SYN2: variants seen among roughly 807,000 people sequenced by gnomAD.
SYN2 encodes synapsin II.
A neutral mutation model predicts 50.9 loss-of-function variants in SYN2; 19 were observed. The ratio of observed to expected loss-of-function variants is 0.37; its 90% CI spans 0.26 to 0.55. The LOEUF is 0.55. Ranked by LOEUF, SYN2 falls within the 20% of genes least tolerant of loss-of-function variation. The pLI is 0.81. For synonymous variants in SYN2, 255 were observed against 224.9 expected, an observed-to-expected ratio of 1.13 and a Z score of -1.20; for missense variants, 587 against 576.4, an observed-to-expected ratio of 1.02 and a Z score of -0.19.
intron 1 of SYN2, among the ~76,000 whole-genome samples, chr3:12,096,889 A>G (rs1323596062): frequency 6.6e-6 from 1 of 152,220 alleles, no homozygotes; most frequent in Non-Finnish European, 1.5e-5. Flanking sequence ...CAGAGCCTCA[A>G]GGACCTGTAG....
intron 1 of SYN2, among the ~76,000 whole-genome samples, chr3:12,121,558 CA>C (rs1225515436): frequency 6.7e-6 from 1 of 149,680 alleles, no homozygotes; most frequent in Non-Finnish European, 1.5e-5. Context: ...ATATATCAGT[CA>C]ATGTTCTCCA....
At chr3:12,097,879 A>G (rs1352907293) in intron 1 of SYN2, among the ~76,000 whole-genome samples, 1 of 152,164 alleles carries the variant, frequency 6.6e-6, no homozygotes, top group African/African-American at 2.4e-5. Context: ...GGGGAGGGAT[A>G]GCATTAGGAG....
chr3:12,154,339 G>C (rs1422965896), intron 5 of SYN2: 1 of 1,614,240 alleles, frequency 6.2e-7, no homozygotes, highest in Non-Finnish European at 8.5e-7. Flanking sequence ...GGCAGCCACA[G>C]TTCAGATGGT....
chr3:12,164,974 TTTTTC>T (rs1697745117), intron 7 of SYN2, among the ~76,000 whole-genome samples: 12 of 145,496 alleles, frequency 8.2e-5, no homozygotes, highest in African/African-American at 3.1e-4. Context: ...TTTCTTCCTT[TTTTTC>T]TTTTCTTTTT....
Position 12,190,589 on chromosome 3 carries a change from C to T in SYN2, c.1713C>T (p.Ser571=). 1 of 1,613,188 alleles carries T rather than the reference C, an allele frequency of 6.2e-7. No homozygotes were observed. Among genetic ancestry groups the T allele is most frequent in the Non-Finnish European group, 8.5e-7 (1 of 1,179,490 alleles). ...AAGCCAAAGCAGAGACCATCCGGAG[C>T]TTGAGGAAGTCCTTTGCCAGCCTCT... The part of the protein sequence containing the change: ...EDEAKAETIR[S]LRKSFASLFS... Residue 571 remains serine, a synonymous_variant, in exon 13 of 13, where the codon AGC becomes AGT. Transcript: ENST00000621198.
At chr3:12,079,721 A>AT (rs917189774) in intron 1 of SYN2, among the ~76,000 whole-genome samples, 1 of 152,060 alleles carries the variant, frequency 6.6e-6, no homozygotes, top group Admixed American at 6.6e-5. Flanking sequence ...TTTATTGAGA[A>AT]TTTTTGCATC....
At chr3:12,166,090 A>G (rs1182340317) in intron 7 of SYN2, among the ~76,000 whole-genome samples, 9 of 152,206 alleles carry the variant, frequency 5.9e-5, no homozygotes, top group Non-Finnish European at 1.3e-4. Context: ...CTGTCCAAGC[A>G]TAAGGACTGT....
chr3:12,167,151 A>T, intron 7 of SYN2, 83 bp from the exon 8 acceptor site: 1 of 1,384,758 alleles, frequency 7.2e-7, no homozygotes, highest in Non-Finnish European at 1.0e-6. Flanking sequence ...AGCAACAGTG[A>T]ACTAAAATTC....
intron 1 of SYN2, among the ~76,000 whole-genome samples, chr3:12,122,285 T>C (rs1696577993): frequency 6.6e-6 from 1 of 152,144 alleles, no homozygotes. Flanking sequence ...TGAACTCAAA[T>C]CTTAAAATCC....
At chr3:12,061,890 CAG>C (rs1156554167) in intron 1 of SYN2, among the ~76,000 whole-genome samples, 2 of 151,990 alleles carry the variant, frequency 1.3e-5, no homozygotes, top group African/African-American at 4.8e-5. Context: ...TCTAAATAAA[CAG>C]ATTCTATATT....
intron 1 of SYN2, among the ~76,000 whole-genome samples, chr3:12,115,641 A>T (rs1378594208): frequency 1.3e-5 from 2 of 152,186 alleles, no homozygotes; most frequent in African/African-American, 4.8e-5. Flanking sequence ...GGGACCCAGA[A>T]TTCCAATTTA....
Position 12,165,610 on chromosome 3 carries a change from A to G in SYN2, c.981-1624A>G, listed in dbSNP as rs563833405. 8 of 152,352 alleles carry G rather than the reference A, an allele frequency of 5.3e-5. No individual in the cohort carries two copies. The East Asian group carries it at 9.7e-4, about 18-fold the overall frequency. 9.4% of individuals were successfully genotyped at this position (152,352 alleles called of 1,614,324 possible). A position where few individuals can be genotyped will look rare whatever the true frequency, so the allele number is the denominator to read the frequency against. The stretch of plus-strand genomic sequence containing the variant: ...TGGCTCAGGTTGAGTTGGGTATGCA[A>G]CCTGAAAATAGTGGGAGTCAGTGTA... On this transcript the variant is annotated intron_variant, in intron 7 of 12. Coordinates refer to ENST00000621198, the MANE Select transcript of SYN2 (RefSeq NM_133625.6).
chr3:12,110,056 A>C (rs1203762130), intron 1 of SYN2, among the ~76,000 whole-genome samples: 1 of 152,010 alleles, frequency 6.6e-6, no homozygotes, highest in Non-Finnish European at 1.5e-5. Context: ...GGGTGTAGTG[A>C]TGTGTACCTG....
intron 1 of SYN2, among the ~76,000 whole-genome samples, chr3:12,064,488 A>G (rs1428475467): frequency 6.6e-6 from 1 of 152,166 alleles, no homozygotes; most frequent in Non-Finnish European, 1.5e-5. Flanking sequence ...AATGTAGCTA[A>G]GAGAGTTCTA....
At chr3:12,095,400 T>C (rs1022494929) in intron 1 of SYN2, among the ~76,000 whole-genome samples, 5 of 138,530 alleles carry the variant, frequency 3.6e-5, no homozygotes, top group Admixed American at 7.5e-5. Flanking sequence ...TACAAAAAAT[T>C]AGCTGGGCAT....
chr3:12,161,847 G>A (rs1697656045), intron 6 of SYN2, 165 bp from the exon 7 acceptor site: 1 of 1,109,832 alleles, frequency 9.0e-7, no homozygotes, highest in Non-Finnish European at 1.3e-6. Flanking sequence ...TGAGTTCTGG[G>A]AAGGGAAGCT....
At chr3:12,125,038 G>T (rs1696639477) in intron 1 of SYN2, among the ~76,000 whole-genome samples, 1 of 149,144 alleles carries the variant, frequency 6.7e-6, no homozygotes, top group Non-Finnish European at 1.5e-5. Context: ...TTTTTGAGAT[G>T]GAGTCTCACC....
chr3:12,015,594 G>A (rs1694011560), intron 1 of SYN2, among the ~76,000 whole-genome samples: 1 of 152,204 alleles, frequency 6.6e-6, no homozygotes, highest in African/African-American at 2.4e-5. Context: ...AAGTGCTATA[G>A]AAGCATTAAT....
At chr3:12,178,837 TG>T (rs1698151453) in intron 10 of SYN2, among the ~76,000 whole-genome samples, 1 of 152,266 alleles carries the variant, frequency 6.6e-6, no homozygotes, top group African/African-American at 2.4e-5. Context: ...AATGTATCTT[TG>T]TTTCACATAT....
Sources: allele counts gnomAD v4.1 joint callset (sites outside exome capture counted in the v4.1 genomes callset), GRCh38; gene constraint gnomAD v4.1.1; transcripts MANE v1.5; gene names NCBI Gene and HGNC (gene_info 2026-07-23, HGNC 2026-07-21).